The following STARD13 variants were observed in gnomAD, a reference collection of about 807,000 sequenced individuals.
STARD13 encodes the protein StAR related lipid transfer domain containing 13, also known as stAR-related lipid transfer protein 13.
STARD13 carries 62 observed loss-of-function variants against 106.4 expected under a neutral mutation model. That is an observed-to-expected ratio of 0.58 (90% CI 0.48 to 0.72). The LOEUF (loss-of-function observed/expected upper bound fraction) is 0.72, where lower values mean the gene tolerates loss of function less well. Ranked by LOEUF, STARD13 falls within the 30% of genes least tolerant of loss-of-function variation. The pLI, the probability that STARD13 is intolerant of heterozygous loss-of-function variation, is 0.00. For synonymous variants in STARD13, 565 were observed against 553.0 expected (o/e 1.02, Z -0.31); for missense variants, 1,387 against 1,424.0 (o/e 0.97, Z 0.42).
the STARD13 span, among the ~76,000 whole-genome samples, chr13:33,653,209 G>T: frequency 6.6e-6 from 1 of 152,112 alleles, no homozygotes; most frequent in Non-Finnish European, 1.5e-5. Context: ...AAGTGATACA[G>T]AATAGCCAAA....
intron 3 of STARD13, among the ~76,000 whole-genome samples, chr13:33,149,678 T>TA (rs1351537558): frequency 2.0e-5 from 3 of 152,226 alleles, no homozygotes; most frequent in Non-Finnish European, 4.4e-5. Flanking sequence ...GGCCTGTGAT[T>TA]TAGCTTACAC....
intron 3 of STARD13, among the ~76,000 whole-genome samples, chr13:33,149,481 T>G (rs1056695201): frequency 6.6e-6 from 1 of 152,254 alleles, no homozygotes; most frequent in Non-Finnish European, 1.5e-5. Flanking sequence ...CTTCTGTTCT[T>G]GGTTTACTTG....
chr13:33,111,391 G>T (rs1216337676), intron 10 of STARD13, among the ~76,000 whole-genome samples: 1 of 152,146 alleles, frequency 6.6e-6, no homozygotes, highest in Non-Finnish European at 1.5e-5. Context: ...CATATCTGTG[G>T]CTGTATTCAT....
At chr13:33,196,973 T>C (rs1327881521) in intron 1 of STARD13, among the ~76,000 whole-genome samples, 3 of 152,252 alleles carry the variant, frequency 2.0e-5, no homozygotes, top group Admixed American at 2.0e-4. Flanking sequence ...TAGAACTGCA[T>C]GTAACTTATA....
At chr13:33,619,740 C>G in the STARD13 span, among the ~76,000 whole-genome samples, 2 of 151,970 alleles carry the variant, frequency 1.3e-5, no homozygotes, top group South Asian at 4.1e-4. Flanking sequence ...TAGATTTGAG[C>G]CAAACCATAT....
the STARD13 span, among the ~76,000 whole-genome samples, chr13:33,627,688 C>T: frequency 6.6e-6 from 1 of 151,920 alleles, no homozygotes; most frequent in African/African-American, 2.4e-5. Context: ...TGAGATTGTC[C>T]TTCATGGCCC....
At chr13:33,609,085 C>CAAAAAAAAAA in the STARD13 span, among the ~76,000 whole-genome samples, 16 of 50,558 alleles carry the variant, frequency 3.2e-4, no homozygotes, top group African/African-American at 6.7e-4. Flanking sequence ...GACTCCGTCT[C>CAAAAAAAAAA]AAAAAAAAAA....
At chr13:33,647,016 T>G in the STARD13 span, among the ~76,000 whole-genome samples, 1 of 152,112 alleles carries the variant, frequency 6.6e-6, no homozygotes, top group Non-Finnish European at 1.5e-5. Context: ...CCCCCTAAAA[T>G]ATAAAATAAA....
intron 1 of STARD13, among the ~76,000 whole-genome samples, chr13:33,293,562 T>C (rs896413342): frequency 1.3e-5 from 2 of 152,282 alleles, no homozygotes; most frequent in East Asian, 3.9e-4. Flanking sequence ...TAATACTGAG[T>C]GTCAACTTGA....
intron 3 of STARD13, among the ~76,000 whole-genome samples, chr13:33,163,485 G>T (rs1324775240): frequency 2.0e-5 from 3 of 150,388 alleles, no homozygotes; most frequent in Non-Finnish European, 4.4e-5. Flanking sequence ...AGCTACTCTA[G>T]AGGCTGTGGC....
chr13:33,246,506 A>G (rs1213063040), intron 1 of STARD13, among the ~76,000 whole-genome samples: 2 of 152,132 alleles, frequency 1.3e-5, no homozygotes, highest in Admixed American at 6.5e-5. Context: ...TAAGTTTCAT[A>G]TTTCAATAGG....
At chr13:33,348,296 A>T (rs1390459337), downstream of STARD13, among the ~76,000 whole-genome samples, 1 of 152,238 alleles carries the variant, frequency 6.6e-6, no homozygotes. Context: ...TAAAGTCTCT[A>T]TCTACAGTTT....
At chr13:33,630,671 C>A in the STARD13 span, among the ~76,000 whole-genome samples, 1 of 152,130 alleles carries the variant, frequency 6.6e-6, no homozygotes, top group Non-Finnish European at 1.5e-5. Flanking sequence ...TTTGTAAAGA[C>A]CCAAGTCTGT....
At chr13:33,243,629 T>C (rs1395503829) in intron 1 of STARD13, among the ~76,000 whole-genome samples, 1 of 152,156 alleles carries the variant, frequency 6.6e-6, no homozygotes, top group Non-Finnish European at 1.5e-5. Context: ...CTGAGACACT[T>C]GTGACAGGCC....
chr13:33,285,769 A>T, upstream of STARD13: 1 of 1,476,542 alleles, frequency 6.8e-7, no homozygotes, highest in Non-Finnish European at 8.9e-7. Context: ...AAGAAAGAGG[A>T]GTGCCAAAGC....
intron 1 of STARD13, among the ~76,000 whole-genome samples, chr13:33,227,272 TG>T (rs1224379214): frequency 6.6e-6 from 1 of 152,252 alleles, no homozygotes; most frequent in African/African-American, 2.4e-5. Context: ...CTGGCAGTGA[TG>T]GACTCATCAG....
At chr13:33,323,748 A>G (rs1362307483) in intron 1 of STARD13, among the ~76,000 whole-genome samples, 1 of 152,240 alleles carries the variant, frequency 6.6e-6, no homozygotes, top group Non-Finnish European at 1.5e-5. Flanking sequence ...AGCCAGAAAT[A>G]TGCATCATGC....
intron 1 of STARD13, among the ~76,000 whole-genome samples, chr13:33,310,382 G>C (rs1476172565): frequency 6.6e-6 from 1 of 152,120 alleles, no homozygotes; most frequent in Non-Finnish European, 1.5e-5. Context: ...TTCTTTATAA[G>C]TGAAAGTTAC....
chr13:33,225,054 T>A (rs1378867842), intron 1 of STARD13, among the ~76,000 whole-genome samples: 2 of 152,188 alleles, frequency 1.3e-5, no homozygotes, highest in Non-Finnish European at 2.9e-5. Flanking sequence ...AAAAAATAAC[T>A]TTTTTGGATG....
Sources: allele counts gnomAD v4.1 joint callset (sites outside exome capture counted in the v4.1 genomes callset), GRCh38; gene constraint gnomAD v4.1.1; transcripts MANE v1.5; gene names NCBI Gene and HGNC (gene_info 2026-07-23, HGNC 2026-07-21).